SPOCK1: variants seen among roughly 807,000 people sequenced by gnomAD.
The protein encoded by SPOCK1 is SPARC (osteonectin), cwcv and kazal like domains proteoglycan 1.
In SPOCK1, 23 loss-of-function variants were observed where a neutral mutation model predicts 55.3. The observed-to-expected ratio is 0.42, with a 90% confidence interval of 0.30 to 0.59. SPOCK1 has a LOEUF of 0.59. SPOCK1 is among the 20% of genes least tolerant of loss of function. The probability of loss-of-function intolerance (pLI) is 0.22; values close to 1 mark genes in which losing one functional copy is unlikely to be tolerated. For synonymous variants in SPOCK1, 226 were observed against 221.0 expected (o/e 1.02, Z -0.20); for missense variants, 499 against 552.5 (o/e 0.90, Z 0.97).
intron 2 of SPOCK1, among the ~76,000 whole-genome samples, chr5:137,381,981 C>A (rs1751481078): frequency 6.6e-6 from 1 of 152,158 alleles, no homozygotes; most frequent in African/African-American, 2.4e-5. Flanking sequence ...AATATTAGTT[C>A]CAGTTTCAGA....
At chr5:137,346,823 C>CA (rs1442381766) in intron 2 of SPOCK1, among the ~76,000 whole-genome samples, 1 of 152,108 alleles carries the variant, frequency 6.6e-6, no homozygotes, top group Non-Finnish European at 1.5e-5. Context: ...GCCCTGTCTT[C>CA]AAAAAACTGA....
intron 2 of SPOCK1, among the ~76,000 whole-genome samples, chr5:137,396,002 T>TA (rs1751840968): frequency 2.6e-5 from 4 of 152,200 alleles, no homozygotes; most frequent in Admixed American, 2.6e-4. Context: ...CAACATAAGT[T>TA]ACGTTTCCTT....
chr5:137,438,647 T>C (rs893404845), intron 2 of SPOCK1, among the ~76,000 whole-genome samples: 1 of 89,220 alleles, frequency 1.1e-5, no homozygotes, highest in African/African-American at 3.2e-5. Flanking sequence ...GATATTTGCA[T>C]ATGCACACAC....
intron 6 of SPOCK1, among the ~76,000 whole-genome samples, chr5:137,055,844 G>A (rs1219939229): frequency 1.3e-5 from 2 of 152,172 alleles, no homozygotes; most frequent in Non-Finnish European, 2.9e-5. Flanking sequence ...CAGTGCAGAG[G>A]AGCCAGAAAC....
intron 2 of SPOCK1, among the ~76,000 whole-genome samples, chr5:137,296,529 C>G (rs1757488769): frequency 6.6e-6 from 1 of 152,130 alleles, no homozygotes; most frequent in Non-Finnish European, 1.5e-5. Context: ...AAATTGTGCT[C>G]CCGGCTCTGT....
intron 3 of SPOCK1, among the ~76,000 whole-genome samples, chr5:137,179,502 C>T (rs564836459): frequency 6.6e-6 from 1 of 152,202 alleles, no homozygotes; most frequent in South Asian, 2.1e-4. Context: ...ACCCTAGGCA[C>T]TTGGAAACCA....
At chr5:137,006,644 C>G (rs1446006432) in intron 6 of SPOCK1, among the ~76,000 whole-genome samples, 1 of 152,164 alleles carries the variant, frequency 6.6e-6, no homozygotes, top group East Asian at 1.9e-4. Flanking sequence ...CATCTACAAA[C>G]AGAGATAATT....
chr5:137,052,004 C>T (rs1200734342), intron 6 of SPOCK1, among the ~76,000 whole-genome samples: 1 of 152,170 alleles, frequency 6.6e-6, no homozygotes, highest in Non-Finnish European at 1.5e-5. Flanking sequence ...CTGAGATGGC[C>T]ATTGAGATGT....
intron 6 of SPOCK1, among the ~76,000 whole-genome samples, chr5:137,054,452 G>T (rs1445618009): frequency 3.3e-5 from 5 of 152,174 alleles, no homozygotes; most frequent in African/African-American, 1.2e-4. Flanking sequence ...AAGGTCAGGG[G>T]GACAGGAGTC....
chr5:137,010,492 T>G (rs1481470613), intron 6 of SPOCK1, among the ~76,000 whole-genome samples: 1 of 151,798 alleles, frequency 6.6e-6, no homozygotes, highest in Non-Finnish European at 1.5e-5. Context: ...AAAAGACACA[T>G]ATTGTCTCAG....
intron 2 of SPOCK1, among the ~76,000 whole-genome samples, chr5:137,488,687 GT>G (rs1320528401): frequency 2.0e-5 from 3 of 152,156 alleles, no homozygotes; most frequent in African/African-American, 7.2e-5. Context: ...CTGCATGTTT[GT>G]TTTCTCCATG....
At chr5:137,482,430 T>C (rs913381999) in intron 2 of SPOCK1, among the ~76,000 whole-genome samples, 1 of 152,100 alleles carries the variant, frequency 6.6e-6, no homozygotes, top group Non-Finnish European at 1.5e-5. Flanking sequence ...AAGGCAGAGA[T>C]ATTAGAATTA....
At chr5:136,987,809 G>C (rs1034749913) in intron 8 of SPOCK1, among the ~76,000 whole-genome samples, 3 of 152,180 alleles carry the variant, frequency 2.0e-5, no homozygotes, top group Non-Finnish European at 2.9e-5. Context: ...CCCAGACAGA[G>C]GGAGGTAAAG....
intron 4 of SPOCK1, among the ~76,000 whole-genome samples, chr5:137,133,102 G>A (rs966597247): frequency 1.3e-5 from 2 of 152,162 alleles, no homozygotes; most frequent in Non-Finnish European, 2.9e-5. Context: ...AGGTGTGGTG[G>A]CTCACACTTG....
intron 2 of SPOCK1, among the ~76,000 whole-genome samples, chr5:137,363,670 A>G (rs975394522): frequency 3.9e-5 from 6 of 152,250 alleles, no homozygotes; most frequent in African/African-American, 1.4e-4. Context: ...CTTATCCATC[A>G]TCATATCCTC....
intron 2 of SPOCK1, among the ~76,000 whole-genome samples, chr5:137,309,826 G>A (rs1214927742): frequency 6.6e-6 from 1 of 151,992 alleles, no homozygotes; most frequent in Admixed American, 6.6e-5. Context: ...TGCCTCCCAA[G>A]TAGGAGGTGC....
chr5:137,024,989 G>T (rs1751644328), intron 6 of SPOCK1, among the ~76,000 whole-genome samples: 1 of 152,142 alleles, frequency 6.6e-6, no homozygotes, highest in Non-Finnish European at 1.5e-5. Context: ...TTATGCGAAG[G>T]GATGTAAACC....
At chr5:137,329,142 G>T (rs969125431) in intron 2 of SPOCK1, among the ~76,000 whole-genome samples, 4 of 152,170 alleles carry the variant, frequency 2.6e-5, no homozygotes, top group Admixed American at 2.0e-4. Flanking sequence ...TTGAAAACGT[G>T]AATAGAACAA....
chr5:136,997,360 C>T (rs1751063492), intron 6 of SPOCK1, among the ~76,000 whole-genome samples: 1 of 152,182 alleles, frequency 6.6e-6, no homozygotes. Flanking sequence ...ACCAGGACAA[C>T]TGGAACAGGC....
Sources: gnomAD v4.1 joint callset for allele counts (sites outside exome capture counted in the v4.1 genomes callset) on GRCh38, gnomAD v4.1.1 for gene constraint, MANE v1.5 for transcripts, NCBI Gene and HGNC (gene_info 2026-07-23, HGNC 2026-07-21) for gene names.